Variants in SMYD3 observed in about 807,000 individuals in gnomAD.
The protein encoded by SMYD3 is SET and MYND domain containing 3, also known as histone-lysine N-methyltransferase SMYD3.
In SMYD3, 36 loss-of-function variants were observed where a neutral mutation model predicts 57.7. The observed-to-expected ratio is 0.62, with a 90% CI of 0.48 to 0.82. The LOEUF (loss-of-function observed/expected upper bound fraction) is 0.82. Among genes scored for constraint, SMYD3 ranks in the 40% least tolerant of loss-of-function variants. SMYD3 has a pLI of 0.00. For missense variants in SMYD3, 515 were observed against 538.8 expected (o/e 0.96, Z 0.44); for synonymous variants, 211 against 195.0 (o/e 1.08, Z -0.68).
At chr1:246,231,004 G>C (rs950673238) in intron 5 of SMYD3, among the ~76,000 whole-genome samples, 1 of 152,134 alleles carries the variant, frequency 6.6e-6, no homozygotes, top group African/African-American at 2.4e-5. Context: ...ATCATATGAT[G>C]TATATTTTCA....
At chr1:245,825,734 A>C (rs1284619432) in intron 10 of SMYD3, among the ~76,000 whole-genome samples, 1 of 152,150 alleles carries the variant, frequency 6.6e-6, no homozygotes, top group Non-Finnish European at 1.5e-5. Flanking sequence ...CATGCTGAAC[A>C]TGTGTCATTA....
In SMYD3 at chr1:245,929,880, G is replaced by C. The variant is rs1405652169; in HGVS notation, c.589C>G (p.Leu197Val). ...TACCATACACCATACCTGGGATATA[G>C]GCCAACACCAACTTCCTGCATCTCC... ...NAEMQEVGVG[L>V]YPSISLLNHS... is the part of the protein sequence containing the mutation. Residue 197 changes from leucine (L) to valine (V), a missense_variant, in exon 6 of 12, where the codon CTA (leucine) becomes GTA (valine). Coordinates refer to ENST00000490107, the MANE Select transcript of SMYD3 (RefSeq NM_001167740.2). 6.2e-7 allele frequency: 1 copy of C among 1,613,112 alleles called. No individual in the cohort carries two copies. Among genetic ancestry groups the C allele is most frequent in the East Asian group, 2.2e-5 (1 of 44,876 alleles).
intron 5 of SMYD3, chr1:246,326,037 T>C (rs950213270): frequency 2.5e-5 from 5 of 200,550 alleles, no homozygotes; most frequent in Admixed American, 5.8e-5. Flanking sequence ...ATGACATTAA[T>C]CAGAAAATCA....
chr1:246,029,334 C>T (rs372000733), intron 5 of SMYD3, among the ~76,000 whole-genome samples: 1 of 152,006 alleles, frequency 6.6e-6, no homozygotes, highest in Admixed American at 6.6e-5. Flanking sequence ...AAAATATAAT[C>T]CAGTTAAAAA....
At chr1:245,953,314 A>C (rs990407768) in intron 5 of SMYD3, 2 of 996,702 alleles carry the variant, frequency 2.0e-6, no homozygotes, top group African/African-American at 3.5e-5. Context: ...CAACTAGACC[A>C]AAATCTTTCA....
chr1:246,353,356 G>A (rs1476757078), intron 2 of SMYD3, among the ~76,000 whole-genome samples: 2 of 151,926 alleles, frequency 1.3e-5, no homozygotes, highest in African/African-American at 2.4e-5. Context: ...GTGAGATCTC[G>A]TCTCCATTAA....
At chr1:245,888,732 T>G (rs1204207220) in intron 8 of SMYD3, among the ~76,000 whole-genome samples, 1 of 152,238 alleles carries the variant, frequency 6.6e-6, no homozygotes, top group African/African-American at 2.4e-5. Flanking sequence ...CCTTTTAAGC[T>G]CTGAAGGTAT....
At chr1:246,349,902 C>T (rs760990571) in intron 2 of SMYD3, among the ~76,000 whole-genome samples, 5 of 152,018 alleles carry the variant, frequency 3.3e-5, no homozygotes, top group East Asian at 1.9e-4. Context: ...AAAACAGATA[C>T]GATAAATATT....
At chr1:245,817,181 A>G (rs1247055689) in intron 10 of SMYD3, among the ~76,000 whole-genome samples, 4 of 149,368 alleles carry the variant, frequency 2.7e-5, no homozygotes, top group Non-Finnish European at 5.9e-5. Flanking sequence ...TGGTTCTCCC[A>G]GCACGCAGCT....
chr1:245,765,484 C>A (rs2046046990), intron 10 of SMYD3, among the ~76,000 whole-genome samples: 1 of 152,092 alleles, frequency 6.6e-6, no homozygotes, highest in African/African-American at 2.4e-5. Context: ...CAGGACGGAG[C>A]ATGATTTAGC....
chr1:246,185,434 GCCATGTTAGTGATT>G (rs2062618638), intron 5 of SMYD3, among the ~76,000 whole-genome samples: 1 of 129,610 alleles, frequency 7.7e-6, no homozygotes, highest in Non-Finnish European at 1.6e-5. Flanking sequence ...ACAGGGTTTT[GCCATGTTAGTGATT>G]CTTTTTTTTT....
At chr1:246,009,805 CTT>C (rs74163100) in intron 5 of SMYD3, among the ~76,000 whole-genome samples, 2,252 of 75,466 alleles carry the variant, frequency 0.03, 63 homozygotes, top group African/African-American at 0.11. Context: ...CATGTAAGAT[CTT>C]TTTTTTTTTT....
At chr1:246,357,850 T>G (rs570611940) in intron 1 of SMYD3, among the ~76,000 whole-genome samples, 1 of 152,148 alleles carries the variant, frequency 6.6e-6, no homozygotes, top group South Asian at 2.1e-4. Context: ...TACACCAAAA[T>G]AGAACCTCCT....
At chr1:246,116,201 G>GACACACACACACAC (rs56722969) in intron 5 of SMYD3, among the ~76,000 whole-genome samples, 179 of 146,020 alleles carry the variant, frequency 1.2e-3, no homozygotes, top group South Asian at 2.0e-3. Context: ...CCCTGAGATG[G>GACACACACACACAC]ACACACACAC....
At chr1:246,270,781 G>A (rs1051146938) in intron 5 of SMYD3, among the ~76,000 whole-genome samples, 10 of 152,230 alleles carry the variant, frequency 6.6e-5, no homozygotes, top group African/African-American at 2.2e-4. Flanking sequence ...ATGAACACTG[G>A]CATACAAACA....
At chr1:246,037,469 G>C (rs899942925) in intron 5 of SMYD3, among the ~76,000 whole-genome samples, 3 of 152,206 alleles carry the variant, frequency 2.0e-5, no homozygotes, top group Non-Finnish European at 4.4e-5. Context: ...ACTAGCAGGA[G>C]GTTAGCAGGT....
chr1:246,399,584 T>C (rs778844084), intron 1 of SMYD3, among the ~76,000 whole-genome samples: 6 of 152,138 alleles, frequency 3.9e-5, no homozygotes, highest in Non-Finnish European at 8.8e-5. Context: ...GCTCAACTGA[T>C]CTGCCCGGGT....
chr1:245,871,455 CT>C (rs1011854848), intron 8 of SMYD3, among the ~76,000 whole-genome samples: 61 of 152,316 alleles, frequency 4.0e-4, no homozygotes, highest in African/African-American at 1.4e-3. Flanking sequence ...AGAGCATTCA[CT>C]GTTATATCAA....
chr1:246,148,828 A>G (rs145989587), intron 5 of SMYD3, among the ~76,000 whole-genome samples: 1 of 152,326 alleles, frequency 6.6e-6, no homozygotes, highest in African/African-American at 2.4e-5. Context: ...TTAATAAGCA[A>G]GAAGACAATG....
Sources: gnomAD v4.1 joint callset for allele counts (sites outside exome capture counted in the v4.1 genomes callset) on GRCh38, gnomAD v4.1.1 for gene constraint, MANE v1.5 for transcripts, NCBI Gene and HGNC (gene_info 2026-07-23, HGNC 2026-07-21) for gene names.